The following VAV3 variants were observed in gnomAD, a reference collection of about 807,000 sequenced individuals.
The protein encoded by VAV3 is vav guanine nucleotide exchange factor 3.
A neutral mutation model predicts 131.2 loss-of-function variants in VAV3; 94 were observed. That is an observed-to-expected ratio of 0.72 (90% confidence interval 0.61 to 0.85). VAV3 has a LOEUF of 0.85. VAV3 is among the 40% of genes least tolerant of loss of function. The pLI, the probability that VAV3 is intolerant of heterozygous loss-of-function variation, is 0.00. For synonymous variants in VAV3, 349 were observed against 342.0 expected (o/e 1.02, Z -0.22); for missense variants, 939 against 1,002.7 (o/e 0.94, Z 0.86).
chr1:107,856,505 G>A (rs528675712), intron 2 of VAV3, among the ~76,000 whole-genome samples: 2 of 151,606 alleles, frequency 1.3e-5, no homozygotes, highest in South Asian at 2.1e-4. Flanking sequence ...AATTTTAAAT[G>A]GTACTTTTCC....
chr1:107,954,779 T>G (rs1674727780), intron 1 of VAV3, among the ~76,000 whole-genome samples: 1 of 142,772 alleles, frequency 7.0e-6, no homozygotes, highest in African/African-American at 2.9e-5. Flanking sequence ...GGGGGGGAAA[T>G]TCATTGCAGT....
Position 107,636,750 on chromosome 1 carries a change from A to C in VAV3, c.1914+5869T>G, listed in dbSNP as rs772529320. Among the ~76,000 whole-genome samples the C allele has an allele frequency of 1.5e-3, 236 of 152,308 alleles. 2 individuals carry two copies. Among genetic ancestry groups the C allele is most frequent in the Admixed American group, 3.0e-3 (46 of 15,296 alleles). On this transcript the variant is annotated intron_variant, in intron 20 of 26. Transcript: ENST00000370056. ...CATAAAATTGAAAAATCATTAAATCAAACCATCATAAGGCAAGGACCATCT... is the reference window on the plus strand; with the variant it reads ...CATAAAATTGAAAAATCATTAAATCCAACCATCATAAGGCAAGGACCATCT...
chr1:107,737,080 T>A (rs1172608184), intron 15 of VAV3, among the ~76,000 whole-genome samples: 5 of 151,986 alleles, frequency 3.3e-5, no homozygotes, highest in Admixed American at 2.0e-4. Flanking sequence ...TCTTTGACAA[T>A]CCTGACAAAA....
chr1:107,749,582 T>G lies in VAV3; in HGVS notation c.1272A>C (p.Leu424Phe), dbSNP rs1663578870. ...TACATACGATCACTGCCAAATCAAA[T>G]AAGAAGATATGCCTGGGAAAAAGAG... ...KHTKQERHIF[L>F]FDLAVIVCKR... Residue 424 changes from leucine (L) to phenylalanine (F), a missense_variant, in exon 14 of 27, where the codon TTA becomes TTC. Leu to Phe is a conservative substitution (Grantham distance 22, BLOSUM62 0). Transcript: ENST00000370056. 7.5e-6 allele frequency: 12 copies of G among 1,610,132 alleles called. No individual in the cohort carries two copies. The highest frequency in any genetic ancestry group is 9.3e-6 in the Non-Finnish European group (11 of 1,178,948).
intron 19 of VAV3, 151 bp downstream of exon 19, chr1:107,683,337 C>T (rs933421159): frequency 1.8e-5 from 14 of 760,288 alleles, no homozygotes; most frequent in East Asian, 8.0e-5. Context: ...ATGATTTACA[C>T]GTTAGACCAT....
chr1:107,903,165 AT>A (rs201003847), intron 1 of VAV3, among the ~76,000 whole-genome samples: 1 of 152,168 alleles, frequency 6.6e-6, no homozygotes, highest in South Asian at 2.1e-4. Flanking sequence ...AGGATATTTA[AT>A]TTTTTAAAAA....
intron 24 of VAV3, among the ~76,000 whole-genome samples, chr1:107,599,016 ATT>A (rs946366337): frequency 2.6e-5 from 4 of 152,284 alleles, no homozygotes; most frequent in Admixed American, 1.3e-4. Flanking sequence ...ATGAATTACA[ATT>A]TATGTGAATT....
At chr1:107,668,196 C>T (rs1189037619) in intron 19 of VAV3, among the ~76,000 whole-genome samples, 2 of 152,134 alleles carry the variant, frequency 1.3e-5, no homozygotes, top group Admixed American at 1.3e-4. Context: ...TGGCATGATC[C>T]ATAATTGTAG....
chr1:107,686,071 A>G (rs930134980), intron 18 of VAV3: 2 of 151,012 alleles, frequency 1.3e-5, no homozygotes, highest in Non-Finnish European at 2.9e-5. Flanking sequence ...ACTCAATTCT[A>G]TAAGCACTTG....
chr1:107,583,551 T>G (rs2101018262), intron 25 of VAV3, among the ~76,000 whole-genome samples: 1 of 152,280 alleles, frequency 6.6e-6, no homozygotes, highest in East Asian at 1.9e-4. Context: ...GATAAGCAAC[T>G]TCAGCAAAGT....
At chr1:107,674,399 T>G (rs748028775) in intron 19 of VAV3, among the ~76,000 whole-genome samples, 3 of 152,182 alleles carry the variant, frequency 2.0e-5, no homozygotes, top group Non-Finnish European at 4.4e-5. Context: ...AATTTCAGAT[T>G]AACATTTTCA....
chr1:107,725,176 T>C (rs373977600), intron 15 of VAV3, among the ~76,000 whole-genome samples: 2 of 152,012 alleles, frequency 1.3e-5, no homozygotes, highest in African/African-American at 4.8e-5. Context: ...CAACAGTCAG[T>C]TGGGAGTCAG....
rs1022824857 is a variant in VAV3, at chr1:107,642,741, G to T, written c.1792C>A (p.Gln598Lys). Residue 598 changes from glutamine (Q) to lysine (K), a missense_variant, in exon 20 of 27, where the codon CAG (glutamine) becomes AAG (lysine). Physicochemically the swap from Gln to Lys is moderately conservative, Grantham distance 53. Transcript: ENST00000370056. Reference protein sequence around the residue: ...KQVDPGLPKMQVIRNYSGTPP... With the variant: ...KQVDPGLPKMKVIRNYSGTPP... ...GTTCCAGAATAGTTCCTAATGACCT[G>T]CATCTTTGGTAAACCTGAAAATAAG... The T allele has an allele frequency of 6.2e-7, 1 of 1,613,220 alleles. No homozygotes were observed. Among genetic ancestry groups the T allele is most frequent in the Non-Finnish European group, 8.5e-7 (1 of 1,179,486 alleles).
chr1:107,891,838 CAAAAAAAAAA>C (rs35693360), intron 1 of VAV3, among the ~76,000 whole-genome samples: 8 of 27,924 alleles, frequency 2.9e-4, no homozygotes, highest in African/African-American at 4.2e-4. Flanking sequence ...GACTCCGTCT[CAAAAAAAAAA>C]AAAAAAAAAA....
chr1:107,781,969 G>A (rs191478633), intron 2 of VAV3, among the ~76,000 whole-genome samples: 2,223 of 152,228 alleles, frequency 0.015, 21 homozygotes, highest in Non-Finnish European at 0.019. Context: ...TAAGCGAAAA[G>A]TCTAACTTTG....
At chr1:107,779,607 G>T in intron 2 of VAV3, 115 bp from the exon 3 acceptor site, 1 of 665,210 alleles carries the variant, frequency 1.5e-6, no homozygotes, top group Non-Finnish European at 2.3e-6. Context: ...AAATTTGCAG[G>T]TGTCAAAGAT....
At chr1:107,875,242 T>C (rs1670438864) in intron 1 of VAV3, among the ~76,000 whole-genome samples, 1 of 152,018 alleles carries the variant, frequency 6.6e-6, no homozygotes, top group South Asian at 2.1e-4. Flanking sequence ...AAACTTACAT[T>C]CTAATATGAA....
intron 19 of VAV3, among the ~76,000 whole-genome samples, chr1:107,674,029 T>C (rs1014278508): frequency 4.6e-5 from 7 of 152,232 alleles, no homozygotes; most frequent in Admixed American, 3.9e-4. Flanking sequence ...AAATATCTAT[T>C]GTATTTCTGT....
At chr1:107,958,788 C>A (rs1417405527) in intron 1 of VAV3, among the ~76,000 whole-genome samples, 1 of 152,100 alleles carries the variant, frequency 6.6e-6, no homozygotes, top group Admixed American at 6.6e-5. Context: ...GCCCTCCAAC[C>A]CCCGACAGGC....
Sources: allele counts gnomAD v4.1 joint callset (sites outside exome capture counted in the v4.1 genomes callset), GRCh38; gene constraint gnomAD v4.1.1; transcripts MANE v1.5; gene names NCBI Gene and HGNC (gene_info 2026-07-23, HGNC 2026-07-21).